SATB2: variants seen among roughly 807,000 people sequenced by gnomAD.
The protein encoded by SATB2 is SATB homeobox 2.
SATB2 carries 1 observed loss-of-function variant against 73.4 expected under a neutral mutation model. That is an observed-to-expected ratio of 0.01 (90% CI 0.00 to 0.06). SATB2 has a LOEUF of 0.06. Among genes scored for constraint, SATB2 ranks in the 10% least tolerant of loss-of-function variants. SATB2 has a pLI of 1.00. For synonymous variants in SATB2, 397 were observed against 367.0 expected (o/e 1.08, Z -0.93); for missense variants, 459 against 945.8 (o/e 0.49, Z 6.75).
At chr2:199,348,506 T>G (rs1688719795) in intron 7 of SATB2, 195 bp downstream of exon 7, 1 of 622,368 alleles carries the variant, frequency 1.6e-6, no homozygotes, top group African/African-American at 1.8e-5. Flanking sequence ...CTCATCAAAA[T>G]TAATCAATTA....
Position 199,418,168 on chromosome 2 carries a change from C to A in SATB2, c.346+15170G>T, listed in dbSNP as rs535675316. ...TCATTTAATCTTCCTAACAACCCTA[C>A]AAGGGGGAATTATAATTACTACCCT... On this transcript the variant is annotated intron_variant, in intron 3 of 10. Coordinates refer to ENST00000417098, the MANE Select transcript of SATB2 (RefSeq NM_001172509.2). Among the ~76,000 whole-genome samples the A allele has an allele frequency of 5.9e-5, 9 of 152,300 alleles. No individual in the cohort carries two copies. The South Asian group carries it at 1.7e-3, about 28-fold the overall frequency.
chr2:199,444,353 A>G lies in SATB2; in HGVS notation c.170-10839T>C, dbSNP rs574156981. Among the ~76,000 whole-genome samples the G allele has an allele frequency of 2.2e-3, 335 of 152,248 alleles. 2 individuals carry two copies. Among genetic ancestry groups the G allele is most frequent in the African/African-American group, 7.5e-3 (312 of 41,562 alleles). ...TTGTCTCCTGGACAAAAAAGTGAGAAATCTTTTACCCTAAATAAAATGTAA... is the reference window on the plus strand; with the variant it reads ...TTGTCTCCTGGACAAAAAAGTGAGAGATCTTTTACCCTAAATAAAATGTAA... On this transcript the variant is annotated intron_variant, in intron 2 of 10. Transcript: ENST00000417098.
At chr2:199,468,430 T>C (rs1173027335), upstream of SATB2, among the ~76,000 whole-genome samples, 1 of 152,118 alleles carries the variant, frequency 6.6e-6, no homozygotes, top group Non-Finnish European at 1.5e-5. Flanking sequence ...GGACATTAGC[T>C]CTGGGAGCAC....
intron 5 of SATB2, among the ~76,000 whole-genome samples, chr2:199,369,881 A>C (rs980918117): frequency 1.3e-5 from 2 of 152,146 alleles, no homozygotes; most frequent in African/African-American, 2.4e-5. Flanking sequence ...GGGGTTTCTT[A>C]ATTCAATTCA....
chr2:199,452,729 C>T (rs532568030), intron 2 of SATB2, among the ~76,000 whole-genome samples: 41 of 152,170 alleles, frequency 2.7e-4, no homozygotes, highest in Admixed American at 1.6e-3. Context: ...TAGCTCTAAA[C>T]TCTCTCCTAG....
Position 199,368,710 on chromosome 2 carries a change from G to GA in SATB2, c.598-4dup, listed in dbSNP as rs199978702. Reference sequence around the variant, plus strand: ...TTTACAATGGATGAAATCATACTCTGAAAAAAAAAATTATAGTTATTTTTT... The same window carrying GA: ...TTTACAATGGATGAAATCATACTCTGAAAAAAAAAAATTATAGTTATTTTTT... On this transcript the variant is annotated splice_polypyrimidine_tract_variant and splice_region_variant and intron_variant, in intron 5 of 10. Coordinates refer to ENST00000417098, the MANE Select transcript of SATB2 (RefSeq NM_001172509.2). The GA allele has an allele frequency of 5.5e-3, 7,974 of 1,438,694 alleles. No individual in the cohort carries two copies. The highest frequency in any genetic ancestry group is 6.5e-3 in the Non-Finnish European group (6,836 of 1,046,790). The allele number at this position is 1,438,694 out of a possible 1,614,324, so 89.1% of individuals were successfully genotyped here.
chr2:199,386,740 ACACACACACACAC>A lies in SATB2; in HGVS notation c.347-4933_347-4921del, dbSNP rs1392227456. Among the ~76,000 whole-genome samples, 8 of 146,162 alleles carry A rather than the reference ACACACACACACAC, an allele frequency of 5.5e-5. No homozygotes were observed. The South Asian group carries it at 1.3e-3, about 23-fold the overall frequency. ...CGCACACACACACACACACACACAC[ACACACACACACAC>A]ACACACACACACACCTTTGAGTTCA... On this transcript the variant is annotated intron_variant, in intron 3 of 10. Coordinates refer to ENST00000417098, the MANE Select transcript of SATB2 (RefSeq NM_001172509.2).
chr2:199,391,113 T>G (rs1690119248), intron 3 of SATB2, among the ~76,000 whole-genome samples: 2 of 152,050 alleles, frequency 1.3e-5, no homozygotes, highest in African/African-American at 4.8e-5. Flanking sequence ...GGCAACTGCT[T>G]TTGGTTTGAA....
chr2:199,452,313 T>C (rs1290304893), intron 2 of SATB2, among the ~76,000 whole-genome samples: 3 of 152,164 alleles, frequency 2.0e-5, no homozygotes, highest in African/African-American at 7.2e-5. Context: ...CAATAATTTA[T>C]TGCTATTAAA....
intron 3 of SATB2, among the ~76,000 whole-genome samples, chr2:199,386,763 C>T (rs1481736192): frequency 2.2e-5 from 3 of 134,240 alleles, no homozygotes; most frequent in African/African-American, 8.3e-5. Flanking sequence ...CACACACACA[C>T]ACACCTTTGA....
chr2:199,386,967 A>G (rs1689982368), intron 3 of SATB2, among the ~76,000 whole-genome samples: 1 of 152,210 alleles, frequency 6.6e-6, no homozygotes. Flanking sequence ...TCCTTTCTCT[A>G]TAACACGGTA....
At chr2:199,342,697 A>T (rs1233959150) in intron 7 of SATB2, among the ~76,000 whole-genome samples, 1 of 152,202 alleles carries the variant, frequency 6.6e-6, no homozygotes, top group Non-Finnish European at 1.5e-5. Flanking sequence ...AGAGAAATGT[A>T]AGGATAAAAA....
chr2:199,449,415 A>C (rs972486699), intron 2 of SATB2, among the ~76,000 whole-genome samples: 2 of 152,166 alleles, frequency 1.3e-5, no homozygotes, highest in Non-Finnish European at 2.9e-5. Flanking sequence ...AATTGAAACA[A>C]ATATATATAG....
intron 10 of SATB2, among the ~76,000 whole-genome samples, chr2:199,307,446 A>G (rs754400560): frequency 6.6e-6 from 1 of 152,142 alleles, no homozygotes; most frequent in Admixed American, 6.5e-5. Flanking sequence ...CGGTCAGAAA[A>G]GCACCAAGAA....
At chr2:199,357,007 A>C (rs1267305589) in intron 6 of SATB2, among the ~76,000 whole-genome samples, 2 of 152,160 alleles carry the variant, frequency 1.3e-5, no homozygotes, top group Non-Finnish European at 2.9e-5. Context: ...ATTTGACTTT[A>C]ATGTCATAAT....
chr2:199,279,946 G>T (rs1354647373), intron 10 of SATB2, among the ~76,000 whole-genome samples: 1 of 152,140 alleles, frequency 6.6e-6, no homozygotes, highest in Non-Finnish European at 1.5e-5. Flanking sequence ...TTCAAGACCA[G>T]CCTGGACAAC....
intron 8 of SATB2, chr2:199,326,102 G>T (rs1459660708): frequency 6.6e-6 from 1 of 152,060 alleles, no homozygotes; most frequent in African/African-American, 2.4e-5. Flanking sequence ...GAGTCAGTGA[G>T]TACTCCTCTA....
chr2:199,353,734 T>C (rs1193580901), intron 6 of SATB2, among the ~76,000 whole-genome samples: 1 of 152,160 alleles, frequency 6.6e-6, no homozygotes, highest in Non-Finnish European at 1.5e-5. Context: ...TCTCCCTTCC[T>C]TTCCCTTCTT....
intron 2 of SATB2, among the ~76,000 whole-genome samples, chr2:199,449,494 T>C (rs771860266): frequency 1.5e-4 from 23 of 152,206 alleles, no homozygotes; most frequent in Non-Finnish European, 2.6e-4. Flanking sequence ...CATGTTATGC[T>C]TACAGGGCTT....
Sources: allele counts gnomAD v4.1 joint callset (sites outside exome capture counted in the v4.1 genomes callset), GRCh38; gene constraint gnomAD v4.1.1; transcripts MANE v1.5; gene names NCBI Gene and HGNC (gene_info 2026-07-23, HGNC 2026-07-21).